Variants in PLXNC1 observed in about 807,000 individuals in gnomAD.
The protein encoded by PLXNC1 is plexin C1.
A neutral mutation model predicts 178.2 loss-of-function variants in PLXNC1; 75 were observed. That is an observed-to-expected ratio of 0.42 (90% confidence interval 0.35 to 0.51). The LOEUF (loss-of-function observed/expected upper bound fraction) is 0.51. Among genes scored for constraint, PLXNC1 ranks in the 20% least tolerant of loss-of-function variants. The pLI is 0.02. For synonymous variants in PLXNC1, 790 were observed against 779.9 expected (o/e 1.01, Z -0.22); for missense variants, 1,503 against 1,984.4 (o/e 0.76, Z 4.61).
In PLXNC1 at chr12:94,279,823, A is replaced by G. The variant is rs763688758; in HGVS notation, c.3775+174A>G. 14 of 712,842 alleles carry G rather than the reference A, an allele frequency of 2.0e-5. 1 individual carries two copies. In the South Asian group the frequency reaches 2.1e-4, roughly 11 times the overall value. 44.2% of individuals were successfully genotyped at this position (712,842 alleles called of 1,614,324 possible). ...GGCCAAGAGACTGCTTTGGTCTCTC[A>G]TGGGCATCCTGATTCTTCGAAGGAA... is the stretch of plus-strand genomic sequence containing the variant. On this transcript the variant is annotated intron_variant, in intron 22 of 30. Transcript: ENST00000258526.
At chr12:94,187,661 C>T (rs1962566238) in intron 4 of PLXNC1, among the ~76,000 whole-genome samples, 1 of 152,172 alleles carries the variant, frequency 6.6e-6, no homozygotes. Context: ...CTTTTAGATC[C>T]ATTCATTTAT....
intron 17 of PLXNC1, 23 bp downstream of exon 17, chr12:94,255,319 C>T: frequency 6.8e-7 from 1 of 1,470,440 alleles, no homozygotes; most frequent in Non-Finnish European, 9.5e-7. Context: ...TGATCATATT[C>T]CGAAGGTTGA....
At chr12:94,273,961 G>T (rs779420860) in intron 21 of PLXNC1, among the ~76,000 whole-genome samples, 10 of 151,848 alleles carry the variant, frequency 6.6e-5, no homozygotes, top group Non-Finnish European at 1.3e-4. Flanking sequence ...AGTACCTCCT[G>T]GCCCTGCCAT....
intron 24 of PLXNC1, among the ~76,000 whole-genome samples, chr12:94,296,924 G>C (rs1327416683): frequency 1.3e-5 from 2 of 152,096 alleles, no homozygotes; most frequent in Non-Finnish European, 2.9e-5. Context: ...AAATGAATGA[G>C]GCTTGAGCCT....
intron 23 of PLXNC1, among the ~76,000 whole-genome samples, chr12:94,283,909 C>T (rs372436584): frequency 6.6e-6 from 1 of 151,978 alleles, no homozygotes; most frequent in Admixed American, 6.6e-5. Context: ...CACGGTAAAA[C>T]GCTGTCTCTA....
At chr12:94,282,028 A>G (rs1592910238) in intron 22 of PLXNC1, 1 of 344,626 alleles carries the variant, frequency 2.9e-6, no homozygotes, top group South Asian at 3.0e-5. Context: ...TGAAGAGCTT[A>G]GTCGTCCCTC....
intron 21 of PLXNC1, among the ~76,000 whole-genome samples, chr12:94,267,657 GC>G (rs1281739578): frequency 2.0e-5 from 3 of 152,150 alleles, no homozygotes; most frequent in African/African-American, 7.2e-5. Context: ...GCCTGGCCCA[GC>G]CCCCCTTTCA....
At chr12:94,262,450 G>A in intron 20 of PLXNC1, 1 of 977,440 alleles carries the variant, frequency 1.0e-6, no homozygotes, top group Non-Finnish European at 1.2e-6. Flanking sequence ...TTAGAGGGGT[G>A]AGATGTTCAG....
intron 1 of PLXNC1, among the ~76,000 whole-genome samples, chr12:94,157,752 T>A (rs541436300): frequency 6.6e-6 from 1 of 152,324 alleles, no homozygotes; most frequent in Admixed American, 6.5e-5. Flanking sequence ...AAACTCTTTC[T>A]GTAAAGGGCC....
At position 94,237,883 on chromosome 12, in the gene PLXNC1, C is replaced by T. The variant is rs138753797; in HGVS notation, c.2120+80C>T. 188 of 1,405,584 alleles carry T rather than the reference C, an allele frequency of 1.3e-4. 1 individual carries two copies. In the East Asian group the frequency reaches 4.2e-3, roughly 32 times the overall value. The allele number at this position is 1,405,584 out of a possible 1,614,324, so 87.1% of individuals were successfully genotyped here. A position where few individuals can be genotyped will look rare whatever the true frequency, so the allele number is the denominator to read the frequency against. ...CAAAGGAATATCAGTGTGATTATAA[C>T]CTTAATATAGTCAAATTATTGCCAT... On this transcript the variant is annotated intron_variant, in intron 10 of 30. Transcript: ENST00000258526.
intron 5 of PLXNC1, among the ~76,000 whole-genome samples, chr12:94,218,881 A>C (rs540537469): frequency 6.6e-6 from 1 of 152,336 alleles, no homozygotes; most frequent in Admixed American, 6.5e-5. Flanking sequence ...CAATATTAGC[A>C]ATAAGGAATA....
chr12:94,154,859 C>A (rs773751056), intron 1 of PLXNC1, among the ~76,000 whole-genome samples: 39 of 152,194 alleles, frequency 2.6e-4, no homozygotes, highest in Non-Finnish European at 8.8e-5. Context: ...CTCTGTTGAA[C>A]CCCCCATACC....
chr12:94,291,078 G>C (rs759784796), intron 23 of PLXNC1, among the ~76,000 whole-genome samples: 1 of 152,236 alleles, frequency 6.6e-6, no homozygotes, highest in African/African-American at 2.4e-5. Flanking sequence ...TCAGGGTGTG[G>C]GGGAGGGGCA....
intron 11 of PLXNC1, 61 bp from the exon 12 acceptor site, chr12:94,243,877 T>C: frequency 5.2e-6 from 4 of 772,544 alleles, no homozygotes; most frequent in Non-Finnish European, 8.7e-6. Context: ...GCTTTGTTCA[T>C]AAATGCAAAA....
At chr12:94,256,495 G>A (rs948667541) in intron 17 of PLXNC1, among the ~76,000 whole-genome samples, 1 of 152,012 alleles carries the variant, frequency 6.6e-6, no homozygotes, top group Non-Finnish European at 1.5e-5. Context: ...CCGAGGCACC[G>A]AGATCTACCA....
intron 5 of PLXNC1, among the ~76,000 whole-genome samples, chr12:94,217,889 T>C (rs1386869172): frequency 6.6e-6 from 1 of 152,208 alleles, no homozygotes; most frequent in Admixed American, 6.5e-5. Flanking sequence ...TGTGCAGCAC[T>C]TGGCACATGT....
intron 5 of PLXNC1, among the ~76,000 whole-genome samples, chr12:94,215,326 G>A (rs1468517554): frequency 6.6e-6 from 1 of 151,976 alleles, no homozygotes; most frequent in Non-Finnish European, 1.5e-5. Context: ...ACATATTCAG[G>A]CATGTTCTAC....
rs1447307076 is a variant in PLXNC1, at chr12:94,307,506, ACTT to A, written c.*2222_*2224del. 3 of 152,138 alleles carry A rather than the reference ACTT, an allele frequency of 2.0e-5. No individual in the cohort carries two copies. The highest frequency in any genetic ancestry group is 2.0e-4 in the Admixed American group (3 of 15,270). 9.4% of individuals were successfully genotyped at this position (152,138 alleles called of 1,614,324 possible). A position where few individuals can be genotyped will look rare whatever the true frequency, so the allele number is the denominator to read the frequency against. On this transcript the variant is annotated 3_prime_UTR_variant, in exon 31 of 31. Coordinates refer to ENST00000258526, the MANE Select transcript of PLXNC1 (RefSeq NM_005761.3). ...TTTTTTGGTGCAAAACCATTTATAAACTTTTTTTTCTAACACTAGTGTCTACAG... is the reference window on the plus strand; with the variant it reads ...TTTTTTGGTGCAAAACCATTTATAAATTTTTTCTAACACTAGTGTCTACAG...
intron 1 of PLXNC1, among the ~76,000 whole-genome samples, chr12:94,167,808 T>G (rs1961675354): frequency 6.6e-6 from 1 of 152,242 alleles, no homozygotes; most frequent in African/African-American, 2.4e-5. Flanking sequence ...TATAGAATAT[T>G]TTATGCAAAA....
Sources: gnomAD v4.1 joint callset for allele counts (sites outside exome capture counted in the v4.1 genomes callset) on GRCh38, gnomAD v4.1.1 for gene constraint, MANE v1.5 for transcripts, NCBI Gene and HGNC (gene_info 2026-07-23, HGNC 2026-07-21) for gene names.